CNTNAP5: variants seen among roughly 807,000 people sequenced by gnomAD.
CNTNAP5 encodes contactin associated protein family member 5, also known as contactin-associated protein-like 5.
In CNTNAP5, 72 loss-of-function variants were observed where a neutral mutation model predicts 150.2. The observed-to-expected ratio is 0.48, with a 90% CI of 0.40 to 0.58. The LOEUF is 0.58. Ranked by LOEUF, CNTNAP5 falls within the 20% of genes least tolerant of loss-of-function variation. The pLI is 0.00. For synonymous variants in CNTNAP5, 672 were observed against 619.8 expected (o/e 1.08, Z -1.25); for missense variants, 1,636 against 1,626.2 (o/e 1.01, Z -0.10).
chr2:124,432,240 A>G (rs1166899721), intron 4 of CNTNAP5, among the ~76,000 whole-genome samples: 1 of 152,124 alleles, frequency 6.6e-6, no homozygotes, highest in Non-Finnish European at 1.5e-5. Context: ...TGCTTCAAAG[A>G]CACCATGTGT....
chr2:124,591,991 CTG>C (rs1696695264), intron 11 of CNTNAP5, among the ~76,000 whole-genome samples: 1 of 152,110 alleles, frequency 6.6e-6, no homozygotes, highest in South Asian at 2.1e-4. Flanking sequence ...CATGCATTGT[CTG>C]TGCTTTTCTC....
intron 1 of CNTNAP5, among the ~76,000 whole-genome samples, chr2:124,050,933 C>G (rs895969136): frequency 6.6e-6 from 1 of 152,088 alleles, no homozygotes; most frequent in Non-Finnish European, 1.5e-5. Flanking sequence ...AAATAGGCAC[C>G]AGGATAACAT....
intron 1 of CNTNAP5, among the ~76,000 whole-genome samples, chr2:124,136,487 T>C (rs1683977035): frequency 6.6e-6 from 1 of 152,200 alleles, no homozygotes; most frequent in African/African-American, 2.4e-5. Context: ...GTTTGACACT[T>C]ATTATACATT....
At chr2:124,029,341 G>C in intron 1 of CNTNAP5, among the ~76,000 whole-genome samples, 1 of 151,986 alleles carries the variant, frequency 6.6e-6, no homozygotes, top group Non-Finnish European at 1.5e-5. Flanking sequence ...ACTTTTTGTG[G>C]CATTTACAGT....
chr2:124,177,918 C>G (rs1415394692), intron 1 of CNTNAP5, among the ~76,000 whole-genome samples: 1 of 150,992 alleles, frequency 6.6e-6, no homozygotes, highest in Non-Finnish European at 1.5e-5. Flanking sequence ...ATGGTCTCGT[C>G]TCACTGCAAC....
Position 124,504,315 on chromosome 2 carries a change from C to G in CNTNAP5, c.1086C>G (p.Ser362=), listed in dbSNP as rs778725471. 5 of 1,613,182 alleles carry G rather than the reference C, an allele frequency of 3.1e-6. No individual in the cohort carries two copies. In the Admixed American group the frequency reaches 8.3e-5, roughly 27 times the overall value. Residue 362 remains serine (S), a synonymous_variant, in exon 8 of 24, where the codon TCC becomes TCG. Coordinates refer to ENST00000682447, the MANE Select transcript of CNTNAP5 (RefSeq NM_001367498.1). ...AGGGCAATGTCACTTTTTCCTGCTC[C>G]GAACCACAGATTGTGCCCATCACAT... is the stretch of plus-strand genomic sequence containing the variant. The part of the protein sequence containing the change: ...YTVGNVTFSC[S]EPQIVPITFV...
At chr2:124,352,810 G>C (rs1170280930) in intron 3 of CNTNAP5, among the ~76,000 whole-genome samples, 1 of 152,178 alleles carries the variant, frequency 6.6e-6, no homozygotes, top group Admixed American at 6.5e-5. Context: ...ACTGTGCCTA[G>C]AAACAGCAAG....
chr2:124,385,560 C>G (rs1368625113), intron 3 of CNTNAP5, among the ~76,000 whole-genome samples: 4 of 152,190 alleles, frequency 2.6e-5, no homozygotes, highest in African/African-American at 4.8e-5. Flanking sequence ...TTTTATAACT[C>G]TATCTTCAAT....
chr2:124,639,932 A>T (rs4848957), intron 12 of CNTNAP5, among the ~76,000 whole-genome samples: 3 of 151,154 alleles, frequency 2.0e-5, no homozygotes, highest in Non-Finnish European at 2.9e-5. Context: ...GTTCCCACCC[A>T]CTCCCCCCTT....
intron 12 of CNTNAP5, among the ~76,000 whole-genome samples, chr2:124,615,061 C>T (rs1413226978): frequency 6.6e-6 from 1 of 152,042 alleles, no homozygotes; most frequent in African/African-American, 2.4e-5. Flanking sequence ...ACCTTCTGAG[C>T]CTTCAGTGAG....
At chr2:124,170,070 C>T (rs1189034253) in intron 1 of CNTNAP5, among the ~76,000 whole-genome samples, 1 of 152,054 alleles carries the variant, frequency 6.6e-6, no homozygotes, top group East Asian at 1.9e-4. Flanking sequence ...ATATTCATCT[C>T]CAGGAGAGAG....
intron 13 of CNTNAP5, among the ~76,000 whole-genome samples, chr2:124,649,268 G>A (rs116065286): frequency 1.8e-3 from 276 of 152,164 alleles, no homozygotes; most frequent in African/African-American, 6.4e-3. Flanking sequence ...GTACTGGTTC[G>A]TGTCCCTTTA....
At chr2:124,028,245 G>A (rs1446163496) in intron 1 of CNTNAP5, among the ~76,000 whole-genome samples, 1 of 151,842 alleles carries the variant, frequency 6.6e-6, no homozygotes, top group East Asian at 1.9e-4. Context: ...ACTTCTAATT[G>A]TTTTTATTAT....
chr2:124,159,212 AT>A (rs564421761), intron 1 of CNTNAP5, among the ~76,000 whole-genome samples: 1 of 152,158 alleles, frequency 6.6e-6, no homozygotes, highest in Non-Finnish European at 1.5e-5. Context: ...TTTTATTCAG[AT>A]TTTTTTAAAA....
chr2:124,738,124 G>T (rs1361244963), intron 13 of CNTNAP5, among the ~76,000 whole-genome samples: 1 of 151,934 alleles, frequency 6.6e-6, no homozygotes, highest in Non-Finnish European at 1.5e-5. Flanking sequence ...TGTGTGAATC[G>T]GTATAAGTTA....
At chr2:124,054,786 G>T (rs1681801354) in intron 1 of CNTNAP5, among the ~76,000 whole-genome samples, 1 of 152,072 alleles carries the variant, frequency 6.6e-6, no homozygotes, top group African/African-American at 2.4e-5. Flanking sequence ...ACCCTCACCT[G>T]CTCTGGGTGA....
intron 12 of CNTNAP5, among the ~76,000 whole-genome samples, chr2:124,622,720 C>A (rs77219174): frequency 6.6e-6 from 1 of 152,078 alleles, no homozygotes; most frequent in Non-Finnish European, 1.5e-5. Context: ...CCCACACACA[C>A]TCACACACAC....
chr2:124,027,705 T>G (rs1245352601), intron 1 of CNTNAP5, among the ~76,000 whole-genome samples: 1 of 152,246 alleles, frequency 6.6e-6, no homozygotes, highest in Non-Finnish European at 1.5e-5. Flanking sequence ...TTTAGTATTT[T>G]ATCAGTGACA....
intron 10 of CNTNAP5, among the ~76,000 whole-genome samples, chr2:124,547,044 CTG>C (rs1379821174): frequency 2.0e-5 from 3 of 152,142 alleles, no homozygotes; most frequent in Non-Finnish European, 2.9e-5. Context: ...CAGAATCTCT[CTG>C]TCTTTCCCCT....
Sources: gnomAD v4.1 joint callset for allele counts (sites outside exome capture counted in the v4.1 genomes callset) on GRCh38, gnomAD v4.1.1 for gene constraint, MANE v1.5 for transcripts, NCBI Gene and HGNC (gene_info 2026-07-23, HGNC 2026-07-21) for gene names.